Variants in KAZN observed in about 807,000 individuals in gnomAD.
The protein encoded by KAZN is kazrin.
Under a neutral mutation model 87.4 loss-of-function variants are expected in KAZN, and 40 were observed. That is an observed-to-expected ratio of 0.46 (90% confidence interval 0.36 to 0.60). The LOEUF (loss-of-function observed/expected upper bound fraction) is 0.60. Ranked by LOEUF, KAZN falls within the 20% of genes least tolerant of loss-of-function variation. The pLI, the probability that KAZN is intolerant of heterozygous loss-of-function variation, is 0.00. For synonymous variants in KAZN, 466 were observed against 458.3 expected (o/e 1.02, Z -0.22); for missense variants, 898 against 1,073.9 (o/e 0.84, Z 2.29).
chr1:14,305,472 C>A (rs1021838505), intron 2 of KAZN, among the ~76,000 whole-genome samples: 9 of 152,188 alleles, frequency 5.9e-5, no homozygotes, highest in Non-Finnish European at 1.3e-4. Flanking sequence ...CAAGCAAATA[C>A]GATCCTGCAG....
intron 2 of KAZN, among the ~76,000 whole-genome samples, chr1:14,185,077 C>T (rs1646275597): frequency 6.6e-6 from 1 of 152,264 alleles, no homozygotes; most frequent in African/African-American, 2.4e-5. Flanking sequence ...CTTGCCCTCA[C>T]TTTATACAAA....
At chr1:14,798,247 C>G (rs1645890504) in intron 1 of KAZN, among the ~76,000 whole-genome samples, 1 of 152,028 alleles carries the variant, frequency 6.6e-6, no homozygotes, top group South Asian at 2.1e-4. Flanking sequence ...TGCTTGCCCT[C>G]TTAGTGGAGG....
chr1:14,378,160 A>G (rs1661065679), intron 2 of KAZN, among the ~76,000 whole-genome samples: 1 of 152,226 alleles, frequency 6.6e-6, no homozygotes, highest in East Asian at 1.9e-4. Flanking sequence ...CACAACATGT[A>G]AGCAAACACA....
At chr1:15,012,724 C>T (rs1321855003) in intron 2 of KAZN, among the ~76,000 whole-genome samples, 3 of 152,100 alleles carry the variant, frequency 2.0e-5, no homozygotes, top group African/African-American at 7.2e-5. Flanking sequence ...GAGTTTGAGA[C>T]CAACCTGTCC....
Position 14,219,031 on chromosome 1 carries a change from C to G in KAZN, c.249+38439C>G, listed in dbSNP as rs138581862. 3.2e-3 allele frequency among the ~76,000 whole-genome samples: 483 copies of G among 152,178 alleles called. 3 individuals carry two copies. Among genetic ancestry groups the G allele is most frequent in the African/African-American group, 0.011 (451 of 41,548 alleles). Reference sequence around the variant, plus strand: ...AAACCCAATGATCAATCCAGTAGATCCACAGAGATGCAATCAGCAAAATCC... The same window carrying G: ...AAACCCAATGATCAATCCAGTAGATGCACAGAGATGCAATCAGCAAAATCC... On this transcript the variant is annotated intron_variant, in intron 2 of 16. Transcript: ENST00000636203.
At chr1:15,101,839 T>C in intron 11 of KAZN, 65 bp downstream of exon 11, 2 of 1,073,742 alleles carry the variant, frequency 1.9e-6, no homozygotes, top group Non-Finnish European at 1.4e-6. Flanking sequence ...TGGCATCTAC[T>C]GTCTGTTCAT....
chr1:15,011,724 A>G (rs932872873), intron 2 of KAZN, among the ~76,000 whole-genome samples: 1 of 152,146 alleles, frequency 6.6e-6, no homozygotes, highest in African/African-American at 2.4e-5. Context: ...ACTCTCTTCC[A>G]TTTGTATTTA....
Position 15,081,479 on chromosome 1 carries a change from G to A in KAZN, c.1223-12701G>A, listed in dbSNP as rs544123983. ...AGTTTATGGTCTGGTGGGAGACACA[G>A]ACTTTCATCGAATAATTACACAACT... On this transcript the variant is annotated intron_variant, in intron 8 of 14. Transcript: ENST00000376030. The surrounding 1 kb of genome is among the most constrained non-coding windows in gnomAD (Gnocchi z 4.1). 3.3e-5 allele frequency among the ~76,000 whole-genome samples: 5 copies of A among 152,304 alleles called. No individual in the cohort carries two copies. The highest frequency in any genetic ancestry group is 1.2e-4 in the African/African-American group (5 of 41,556).
Position 14,960,774 on chromosome 1 carries a change from C to G in KAZN, c.317C>G (p.Ser106Trp), listed in dbSNP as rs145377594. 1 of 1,609,234 alleles carries G rather than the reference C, an allele frequency of 6.2e-7. No homozygotes were observed. Among genetic ancestry groups the G allele is most frequent in the Non-Finnish European group, 8.5e-7 (1 of 1,178,068 alleles). ...ATGTTGGCGAAGGACCTGGAGGAGTCGCAGGGCGGCAAGTCCTCTGAGGTC... is the reference window on the plus strand; with the variant it reads ...ATGTTGGCGAAGGACCTGGAGGAGTGGCAGGGCGGCAAGTCCTCTGAGGTC... The part of the protein sequence containing the change: ...KEMLAKDLEE[S>W]QGGKSSEVLS... The change falls in exon 2 of 15, where the codon TCG becomes TGG. Residue 106 changes from serine (S) to tryptophan (W), a missense_variant. Physicochemically the swap from Ser to Trp is radical, Grantham distance 177. Transcript: ENST00000376030.
chr1:14,463,990 C>T (rs1485647163), intron 2 of KAZN, among the ~76,000 whole-genome samples: 1 of 152,236 alleles, frequency 6.6e-6, no homozygotes, highest in Non-Finnish European at 1.5e-5. Flanking sequence ...ATTTTCACTT[C>T]CGTGAAACCT....
At chr1:15,039,344 C>A (rs1174897762) in intron 3 of KAZN, among the ~76,000 whole-genome samples, 1 of 152,176 alleles carries the variant, frequency 6.6e-6, no homozygotes, top group Non-Finnish European at 1.5e-5. Flanking sequence ...CCCAGAGCCC[C>A]AGCCCCAGAG....
chr1:14,069,269 C>G (rs892328851), intron 1 of KAZN, among the ~76,000 whole-genome samples: 1 of 152,188 alleles, frequency 6.6e-6, no homozygotes, highest in East Asian at 1.9e-4. Context: ...CTGCTTGTCC[C>G]TTGGGCATGC....
At chr1:14,466,831 T>C (rs939790453) in intron 2 of KAZN, among the ~76,000 whole-genome samples, 4 of 152,024 alleles carry the variant, frequency 2.6e-5, no homozygotes, top group Non-Finnish European at 2.9e-5. Flanking sequence ...TAGCCTGTTG[T>C]GGTGGCGGGC....
intron 1 of KAZN, among the ~76,000 whole-genome samples, chr1:14,801,553 T>C (rs574262573): frequency 8.5e-5 from 13 of 152,178 alleles, no homozygotes; most frequent in African/African-American, 3.1e-4. Context: ...CCTCCCCAGA[T>C]AGTGGCCGTT....
intron 1 of KAZN, among the ~76,000 whole-genome samples, chr1:14,805,136 C>T (rs1012700263): frequency 2.6e-5 from 4 of 152,136 alleles, no homozygotes; most frequent in African/African-American, 9.7e-5. Context: ...GGTGCTGGAA[C>T]AGAAGTCCTG....
chr1:14,562,821 C>T (rs576314684), intron 2 of KAZN, among the ~76,000 whole-genome samples: 3 of 152,354 alleles, frequency 2.0e-5, no homozygotes, highest in East Asian at 3.9e-4. Context: ...CACACATCCA[C>T]ATGGCAGTGC....
intron 1 of KAZN, among the ~76,000 whole-genome samples, chr1:14,807,832 A>C (rs1032553413): frequency 3.9e-5 from 6 of 152,062 alleles, no homozygotes; most frequent in Admixed American, 3.9e-4. Context: ...TCAGCCCCCA[A>C]ATTAGACCTA....
intron 1 of KAZN, among the ~76,000 whole-genome samples, chr1:13,986,167 A>G (rs1202515010): frequency 2.0e-5 from 3 of 152,260 alleles, no homozygotes; most frequent in Non-Finnish European, 4.4e-5. Flanking sequence ...TATCCTTGCC[A>G]AAACATAAAT....
intron 1 of KAZN, among the ~76,000 whole-genome samples, chr1:14,669,700 T>C (rs186539676): frequency 3.3e-5 from 5 of 152,132 alleles, no homozygotes; most frequent in African/African-American, 9.7e-5. Context: ...TGAGCCAAGA[T>C]CGTGTCATTG....
Sources: allele counts gnomAD v4.1 joint callset (sites outside exome capture counted in the v4.1 genomes callset), GRCh38; gene constraint gnomAD v4.1.1; non-coding constraint Gnocchi (gnomAD v3.1); transcripts MANE v1.5; gene names NCBI Gene and HGNC (gene_info 2026-07-23, HGNC 2026-07-21).